Variants in SOX5 observed in about 807,000 individuals in gnomAD.
The protein encoded by SOX5 is transcription factor SOX-5.
A neutral mutation model predicts 92.0 loss-of-function variants in SOX5; 9 were observed. That is an observed-to-expected ratio of 0.10 (90% CI 0.06 to 0.17). SOX5 has a LOEUF of 0.17. SOX5 is among the 10% of genes least tolerant of loss of function. The probability of loss-of-function intolerance (pLI) is 1.00; values close to 1 mark genes in which losing one functional copy is unlikely to be tolerated. For synonymous variants in SOX5, 344 were observed against 336.3 expected (o/e 1.02, Z -0.25); for missense variants, 642 against 944.5 (o/e 0.68, Z 4.20).
intron 1 of SOX5, among the ~76,000 whole-genome samples, chr12:23,946,233 AAC>A (rs1279069829): frequency 6.6e-5 from 10 of 152,104 alleles, no homozygotes; most frequent in Non-Finnish European, 1.2e-4. Flanking sequence ...AGGTGATACT[AAC>A]AACCTAATTT....
At chr12:24,526,986 C>G (rs1262288788) in intron 1 of SOX5, among the ~76,000 whole-genome samples, 2 of 151,916 alleles carry the variant, frequency 1.3e-5, no homozygotes, top group Non-Finnish European at 2.9e-5. Context: ...ACCATACAGT[C>G]TCTGTATGGT....
chr12:23,987,518 T>C (rs1950167529), intron 4 of SOX5, among the ~76,000 whole-genome samples: 1 of 152,144 alleles, frequency 6.6e-6, no homozygotes, highest in Non-Finnish European at 1.5e-5. Context: ...AAGAGCTGGG[T>C]GTGGTGGTTC....
chr12:24,177,445 T>A (rs1954943645), intron 4 of SOX5, among the ~76,000 whole-genome samples: 1 of 152,196 alleles, frequency 6.6e-6, no homozygotes, highest in Non-Finnish European at 1.5e-5. Context: ...TATGGGGTAT[T>A]GTCTAAACAG....
chr12:24,248,934 A>G lies in SOX5; in HGVS notation c.-77+28282T>C, dbSNP rs373366679. On this transcript the variant is annotated intron_variant, in intron 3 of 4. Transcript: ENST00000446891. ...TTGACTGAAAGAAGGTAGTATATAG[A>G]GAAAGGCTAAATAATCATACGATGG... is the stretch of plus-strand genomic sequence containing the variant. 1.5e-4 allele frequency among the ~76,000 whole-genome samples: 23 copies of G among 152,354 alleles called. No individual in the cohort carries two copies. The East Asian group carries it at 4.2e-3, about 28-fold the overall frequency.
In SOX5 at chr12:24,180,243, C is replaced by T. The variant is rs947807889; in HGVS notation, c.-2+33100G>A. ...CTTCCCAAAGGAATAAGCTATCATG[C>T]CTGGTCATTAGTTAAAACCATTTTA... On this transcript the variant is annotated intron_variant, in intron 4 of 4. Transcript: ENST00000446891. Among the ~76,000 whole-genome samples the T allele has an allele frequency of 1.4e-4, 21 of 152,130 alleles. 1 individual carries two copies. The highest frequency in any genetic ancestry group is 3.1e-4 in the Non-Finnish European group (21 of 68,014).
At chr12:23,835,858 A>G (rs1042212048) in intron 3 of SOX5, among the ~76,000 whole-genome samples, 3 of 151,762 alleles carry the variant, frequency 2.0e-5, no homozygotes, top group African/African-American at 7.2e-5. Context: ...TCACTTTAAA[A>G]CATATTTAAT....
chr12:23,973,273 G>A (rs183512342), intron 4 of SOX5, among the ~76,000 whole-genome samples: 178 of 147,698 alleles, frequency 1.2e-3, no homozygotes, highest in African/African-American at 4.0e-3. Flanking sequence ...GTGACTTCCT[G>A]CCTCAGCCTC....
chr12:24,505,829 A>ATG (rs35993008), intron 1 of SOX5, among the ~76,000 whole-genome samples: 23,854 of 124,534 alleles, frequency 0.19, 2,118 homozygotes, highest in African/African-American at 0.29. Flanking sequence ...AAGGCTTGGT[A>ATG]TGTGTGTGTG....
At chr12:24,240,825 T>C (rs1307879171) in intron 3 of SOX5, among the ~76,000 whole-genome samples, 1 of 152,206 alleles carries the variant, frequency 6.6e-6, no homozygotes, top group Non-Finnish European at 1.5e-5. Context: ...CATACAGCCA[T>C]TCTATTTTTC....
At chr12:24,037,413 T>C (rs1188223989) in intron 4 of SOX5, among the ~76,000 whole-genome samples, 1 of 152,148 alleles carries the variant, frequency 6.6e-6, no homozygotes, top group Non-Finnish European at 1.5e-5. Context: ...TTTTAATCAA[T>C]CATTATGTGA....
chr12:23,639,478 A>G (rs1198710856), intron 8 of SOX5, among the ~76,000 whole-genome samples: 7 of 152,198 alleles, frequency 4.6e-5, no homozygotes, highest in Non-Finnish European at 1.5e-5. Flanking sequence ...ATTGCTGGAT[A>G]TTATTCCCTC....
intron 3 of SOX5, among the ~76,000 whole-genome samples, chr12:23,799,773 T>C (rs1331778327): frequency 6.6e-6 from 1 of 152,006 alleles, no homozygotes; most frequent in Non-Finnish European, 1.5e-5. Context: ...ACAGACAGTG[T>C]CCTAGAGGCA....
At chr12:24,109,802 A>G (rs1947110236) in intron 4 of SOX5, among the ~76,000 whole-genome samples, 1 of 152,250 alleles carries the variant, frequency 6.6e-6, no homozygotes, top group African/African-American at 2.4e-5. Flanking sequence ...CATTTATTTT[A>G]AAAAGCTATT....
intron 7 of SOX5, among the ~76,000 whole-genome samples, chr12:23,659,649 A>G (rs1035246952): frequency 1.3e-5 from 2 of 152,218 alleles, no homozygotes; most frequent in African/African-American, 4.8e-5. Context: ...GAGCTCTAAT[A>G]AAAGGACAAG....
intron 2 of SOX5, among the ~76,000 whole-genome samples, chr12:23,891,869 T>G (rs2097132886): frequency 6.6e-6 from 1 of 152,184 alleles, no homozygotes; most frequent in South Asian, 2.1e-4. Context: ...ATCATGACTT[T>G]CTGCTTTCTG....
chr12:24,264,986 CT>C (rs1274252702), intron 3 of SOX5, among the ~76,000 whole-genome samples: 1 of 152,192 alleles, frequency 6.6e-6, no homozygotes, highest in Non-Finnish European at 1.5e-5. Flanking sequence ...AACTACCCAA[CT>C]AGGGGAGGCA....
intron 1 of SOX5, among the ~76,000 whole-genome samples, chr12:24,448,287 A>C (rs1173734850): frequency 6.6e-6 from 1 of 152,224 alleles, no homozygotes; most frequent in Non-Finnish European, 1.5e-5. Context: ...CTCACAGTAA[A>C]TGAGAGATTC....
At chr12:23,669,854 T>C (rs2084461475) in intron 6 of SOX5, among the ~76,000 whole-genome samples, 1 of 152,162 alleles carries the variant, frequency 6.6e-6, no homozygotes, top group Non-Finnish European at 1.5e-5. Flanking sequence ...TGAATGATGT[T>C]GCATTGCAGT....
intron 4 of SOX5, among the ~76,000 whole-genome samples, chr12:24,040,096 G>A (rs889566426): frequency 2.6e-5 from 4 of 151,924 alleles, no homozygotes; most frequent in African/African-American, 9.7e-5. Context: ...CATTGTCCTG[G>A]TTCAATTATG....
Sources: gnomAD v4.1 joint callset for allele counts (sites outside exome capture counted in the v4.1 genomes callset) on GRCh38, gnomAD v4.1.1 for gene constraint, MANE v1.5 for transcripts, NCBI Gene and HGNC (gene_info 2026-07-23, HGNC 2026-07-21) for gene names.